Variants in EFR3A observed in about 807,000 individuals in gnomAD.
The protein encoded by EFR3A is EFR3 homolog A, also known as protein EFR3 homolog A.
In EFR3A, 76 loss-of-function variants were observed where a neutral mutation model predicts 104.4. That is an observed-to-expected ratio of 0.73 (90% CI 0.60 to 0.88). EFR3A has a LOEUF of 0.88. Ranked by LOEUF, EFR3A falls within the 40% of genes least tolerant of loss-of-function variation. The pLI is 0.00. For synonymous variants in EFR3A, 330 were observed against 330.0 expected (o/e 1.00, Z 0.00); for missense variants, 985 against 1,012.5 (o/e 0.97, Z 0.37).
chr8:131,936,255 T>C (rs1232806257), intron 1 of EFR3A, among the ~76,000 whole-genome samples: 1 of 152,158 alleles, frequency 6.6e-6, no homozygotes, highest in African/African-American at 2.4e-5. Context: ...AAGAATTTTC[T>C]TGCAGTGTTG....
chr8:131,979,212 T>C (rs553115893), intron 13 of EFR3A, 134 bp from the exon 14 acceptor site: 6 of 946,032 alleles, frequency 6.3e-6, no homozygotes, highest in African/African-American at 1.7e-5. Context: ...GTATGTACTC[T>C]TCAGAAGCAA....
intron 1 of EFR3A, 85 bp from the exon 2 acceptor site, chr8:131,940,414 C>G (rs1026119901): frequency 1.6e-6 from 2 of 1,237,914 alleles, no homozygotes; most frequent in African/African-American, 3.1e-5. Context: ...TTTATATAGC[C>G]CATTAATATT....
intron 22 of EFR3A, among the ~76,000 whole-genome samples, chr8:132,003,797 A>G (rs16904573): frequency 0.27 from 40,631 of 152,034 alleles, 6,240 homozygotes; most frequent in East Asian, 0.49. Flanking sequence ...TGATTATCCT[A>G]TGTCTATACA....
At chr8:131,965,726 A>G (rs1483243483) in intron 8 of EFR3A, among the ~76,000 whole-genome samples, 1 of 151,938 alleles carries the variant, frequency 6.6e-6, no homozygotes, top group Non-Finnish European at 1.5e-5. Flanking sequence ...TACCCAAAGG[A>G]TTGTAAATCA....
intron 14 of EFR3A, among the ~76,000 whole-genome samples, chr8:131,981,930 A>G (rs1820635699): frequency 6.6e-6 from 1 of 152,096 alleles, no homozygotes; most frequent in South Asian, 2.1e-4. Context: ...AACTCACTAT[A>G]TAGTTTCTCA....
chr8:131,991,090 G>A (rs1020945922), intron 18 of EFR3A, among the ~76,000 whole-genome samples: 5 of 152,168 alleles, frequency 3.3e-5, no homozygotes, highest in African/African-American at 7.2e-5. Context: ...CGTGGCTGGG[G>A]AAGGTCTCAC....
At chr8:131,967,427 G>T (rs1263339752) in intron 8 of EFR3A, among the ~76,000 whole-genome samples, 1 of 151,910 alleles carries the variant, frequency 6.6e-6, no homozygotes, top group African/African-American at 2.4e-5. Flanking sequence ...TGAAAACAGG[G>T]CAGAGGGGAC....
intron 14 of EFR3A, among the ~76,000 whole-genome samples, chr8:131,983,442 G>T (rs1820717734): frequency 6.6e-6 from 1 of 151,992 alleles, no homozygotes; most frequent in Non-Finnish European, 1.5e-5. Context: ...ATTGTGACTG[G>T]ATGTGGCATT....
intron 6 of EFR3A, 23 bp from the exon 7 acceptor site, chr8:131,955,741 TTTTC>T: frequency 6.3e-7 from 1 of 1,588,526 alleles, no homozygotes; most frequent in Non-Finnish European, 8.6e-7. Flanking sequence ...ATTCTTGTGT[TTTTC>T]TTTATTTCTC....
At chr8:131,908,261 C>T (rs192017531) in intron 1 of EFR3A, among the ~76,000 whole-genome samples, 10 of 152,074 alleles carry the variant, frequency 6.6e-5, no homozygotes, top group East Asian at 1.9e-4. Flanking sequence ...GGGATTTCAC[C>T]GTGTTAGCCA....
intron 22 of EFR3A, among the ~76,000 whole-genome samples, chr8:132,010,407 G>T (rs113584862): frequency 0.1 from 8,292 of 81,148 alleles, 760 homozygotes; most frequent in East Asian, 0.23. Flanking sequence ...TCAAGTATGA[G>T]ATATATATAT....
chr8:131,978,545 C>T (rs1171019817), intron 12 of EFR3A, among the ~76,000 whole-genome samples: 2 of 152,110 alleles, frequency 1.3e-5, no homozygotes, highest in African/African-American at 2.4e-5. Context: ...TTATGAATGG[C>T]GATTCACTAG....
At position 132,010,883 on chromosome 8, in the gene EFR3A, G is replaced by A. The variant is rs753660769; in HGVS notation, c.2454G>A (p.Leu818=). The change falls in exon 23 of 23, where the codon CTG becomes CTA. Residue 818 remains leucine (L), a synonymous_variant. Transcript: ENST00000254624. ...VPVYEMKFPD[L]CVY is the part of the protein sequence containing the mutation. ...TCTATGAGATGAAGTTTCCAGATCT[G>A]TGTGTGTACTGATCGGCGCATGAAG... 7.5e-6 allele frequency: 12 copies of A among 1,607,208 alleles called. No homozygotes were observed. In the South Asian group the frequency reaches 1.2e-4, roughly 16 times the overall value.
intron 1 of EFR3A, among the ~76,000 whole-genome samples, chr8:131,911,342 T>C (rs1484167065): frequency 1.2e-4 from 19 of 152,238 alleles, no homozygotes; most frequent in Admixed American, 1.2e-3. Context: ...ATCTTTAAGG[T>C]ATCATATAAT....
chr8:131,950,934 T>C (rs1818670603), intron 5 of EFR3A, among the ~76,000 whole-genome samples: 1 of 152,084 alleles, frequency 6.6e-6, no homozygotes, highest in Admixed American at 6.6e-5. Flanking sequence ...AACTTTAAAG[T>C]TAAGAAAGTC....
At chr8:132,010,735 G>T in intron 22 of EFR3A, 55 bp from the exon 23 acceptor site, 2 of 1,578,870 alleles carry the variant, frequency 1.3e-6, no homozygotes, top group South Asian at 2.3e-5. Context: ...AATACTCGGT[G>T]AAATGAACAG....
At chr8:131,933,812 T>C (rs1324100140) in intron 1 of EFR3A, among the ~76,000 whole-genome samples, 22 of 151,988 alleles carry the variant, frequency 1.4e-4, no homozygotes, top group Admixed American at 1.4e-3. Context: ...TGCTGTTTTT[T>C]TTTTTCTACA....
At chr8:132,005,729 TG>T (rs1313391879) in intron 22 of EFR3A, among the ~76,000 whole-genome samples, 1 of 152,034 alleles carries the variant, frequency 6.6e-6, no homozygotes, top group East Asian at 1.9e-4. Flanking sequence ...AAGACAAAAA[TG>T]CAGAAAGGAT....
Position 132,010,786 on chromosome 8 carries a change from A to G in EFR3A, c.2361-4A>G, listed in dbSNP as rs774620206. On this transcript the variant is annotated splice_polypyrimidine_tract_variant and splice_region_variant and intron_variant, in intron 22 of 22. Coordinates refer to ENST00000254624, the MANE Select transcript of EFR3A (RefSeq NM_015137.6). ...GCTGACAATGTATTTTTGTTCTTTT[A>G]TAGTCCTCCTCCCAGTCCATCAGGA... 3 of 1,611,400 alleles carry G rather than the reference A, an allele frequency of 1.9e-6. No homozygotes were observed. Among genetic ancestry groups the G allele is most frequent in the African/African-American group, 2.7e-5 (2 of 74,828 alleles).
Sources: allele counts gnomAD v4.1 joint callset (sites outside exome capture counted in the v4.1 genomes callset), GRCh38; gene constraint gnomAD v4.1.1; transcripts MANE v1.5; gene names NCBI Gene and HGNC (gene_info 2026-07-23, HGNC 2026-07-21).